Variants in CCDC97 observed in about 807,000 individuals in gnomAD.
CCDC97 encodes the protein coiled-coil domain-containing protein 97.
Under a neutral mutation model 33.9 loss-of-function variants are expected in CCDC97, and 27 were observed. The observed-to-expected ratio is 0.80, with a 90% CI of 0.59 to 1.10. The LOEUF is 1.10. Ranked by LOEUF, CCDC97 falls within the 50% of genes least tolerant of loss-of-function variation. The pLI is 0.00. For synonymous variants in CCDC97, 217 were observed against 194.0 expected (o/e 1.12, Z -0.99); for missense variants, 422 against 476.6 (o/e 0.89, Z 1.07).
At position 41,316,378 on chromosome 19, in the gene CCDC97, C is replaced by T; in HGVS notation, c.47-6C>T. The T allele has an allele frequency of 1.9e-6, 3 of 1,603,868 alleles. No homozygotes were observed. Among genetic ancestry groups the T allele is most frequent in the Non-Finnish European group, 2.6e-6 (3 of 1,171,728 alleles). ...CTCTGAACTAACCAATCTCTCCTTT[C>T]CTCAGGCTGCATAGAGCCTGGACCT... On this transcript the variant is annotated splice_region_variant and splice_polypyrimidine_tract_variant and intron_variant, in intron 1 of 4. Coordinates refer to ENST00000269967, the MANE Select transcript of CCDC97 (RefSeq NM_052848.3).
At chr19:41,316,355 C>A in intron 1 of CCDC97, 29 bp from the exon 2 acceptor site, 1 of 1,581,172 alleles carries the variant, frequency 6.3e-7, no homozygotes. Context: ...ACTCCCATCT[C>A]TGAACTAACC....
At position 41,310,531 on chromosome 19, in the gene CCDC97, CCTT is replaced by C. The variant is rs145186924; in HGVS notation, c.46+179_46+181del. 7,324 of 985,264 alleles carry C rather than the reference CCTT, an allele frequency of 7.4e-3. 275 individuals carry two copies. The African/African-American group carries it at 0.093, about 12-fold the overall frequency. The allele number at this position is 985,264 out of a possible 1,614,324, so 61.0% of individuals were successfully genotyped here. On this transcript the variant is annotated intron_variant, in intron 1 of 4. Transcript: ENST00000269967. Reference sequence around the variant, plus strand: ...TATTCCCTCCCTTGTCGCGGGCTGACCTTCTTTTCCTCCATTCCTTCCCCCCGA... The same window carrying C: ...TATTCCCTCCCTTGTCGCGGGCTGACCTTTTCCTCCATTCCTTCCCCCCGA...
chr19:41,310,707 C>G, intron 1 of CCDC97: 2 of 1,156,282 alleles, frequency 1.7e-6, no homozygotes, highest in Non-Finnish European at 2.1e-6. Context: ...TTACCTCCTT[C>G]CCTGTACCAA....
Position 41,322,814 on chromosome 19 carries a change from G to A in CCDC97, c.*99G>A, listed in dbSNP as rs964002825. On this transcript the variant is annotated 3_prime_UTR_variant, in exon 5 of 5. Transcript: ENST00000269967. ...ACCCTTTCTCTAGGGGGACATCAGG[G>A]CAGTGCCCCACAACCCACACACACC... 31 of 1,408,248 alleles carry A rather than the reference G, an allele frequency of 2.2e-5. No individual in the cohort carries two copies. The highest frequency in any genetic ancestry group is 2.7e-5 in the Non-Finnish European group (28 of 1,032,216). The allele number at this position is 1,408,248 out of a possible 1,614,324, so 87.2% of individuals were successfully genotyped here. A position where few individuals can be genotyped will look rare whatever the true frequency, so the allele number is the denominator to read the frequency against.
Position 41,322,769 on chromosome 19 carries a change from G to A in CCDC97, c.*54G>A. On this transcript the variant is annotated 3_prime_UTR_variant, in exon 5 of 5. Coordinates refer to ENST00000269967, the MANE Select transcript of CCDC97 (RefSeq NM_052848.3). Reference sequence around the variant, plus strand: ...CATCCCCATCCCCAACAAGGCAGCTGATTCCAGGCCTGCTCAGTGACCCTT... The same window carrying A: ...CATCCCCATCCCCAACAAGGCAGCTAATTCCAGGCCTGCTCAGTGACCCTT... 1.3e-6 allele frequency: 2 copies of A among 1,594,490 alleles called. No individual in the cohort carries two copies.
chr19:41,316,401 C>T lies in CCDC97; in HGVS notation c.64C>T (p.Pro22Ser). 6.2e-7 allele frequency: 1 copy of T among 1,612,550 alleles called. No individual in the cohort carries two copies. The highest frequency in any genetic ancestry group is 8.5e-7 in the Non-Finnish European group (1 of 1,178,722). ...EPDKGCIEPGPGHWGELSRTP... is the reference protein window; with the variant it reads ...EPDKGCIEPGSGHWGELSRTP... ...TTCCTCAGGCTGCATAGAGCCTGGA[C>T]CTGGGCACTGGGGTGAGCTGAGCCG... The change falls in exon 2 of 5, where the codon CCT (proline) becomes TCT (serine). Residue 22 changes from proline (P) to serine (S), a missense_variant. Physicochemically the swap from Pro to Ser is moderately conservative, Grantham distance 74. Coordinates refer to ENST00000269967, the MANE Select transcript of CCDC97 (RefSeq NM_052848.3).
chr19:41,311,363 G>C (rs1008506384), intron 1 of CCDC97, among the ~76,000 whole-genome samples: 5 of 152,074 alleles, frequency 3.3e-5, no homozygotes, highest in Non-Finnish European at 7.4e-5. Flanking sequence ...TCCAGCCTCT[G>C]CAGCAGAGTG....
At chr19:41,313,381 C>T (rs534768250) in intron 1 of CCDC97, among the ~76,000 whole-genome samples, 1 of 152,274 alleles carries the variant, frequency 6.6e-6, no homozygotes, top group Admixed American at 6.5e-5. Context: ...GCCTCCCTTA[C>T]TTCCAGCACG....
rs541571222 is a variant in CCDC97 at position 41,319,251 on chromosome 19, T to A, written c.503-323T>A. Among the ~76,000 whole-genome samples, 3 of 152,324 alleles carry A rather than the reference T, an allele frequency of 2.0e-5. 1 individual carries two copies. The highest frequency in any genetic ancestry group is 1.9e-4 in the East Asian group (1 of 5,188). On this transcript the variant is annotated intron_variant, in intron 2 of 4. Coordinates refer to ENST00000269967, the MANE Select transcript of CCDC97 (RefSeq NM_052848.3). ...TAGAGGCCGGGCCACATACACACAC[T>A]CAGGTGCCTGCACGAGTAATCACAT...
At chr19:41,311,783 C>T (rs1033303805) in intron 1 of CCDC97, among the ~76,000 whole-genome samples, 1 of 151,934 alleles carries the variant, frequency 6.6e-6, no homozygotes, top group Non-Finnish European at 1.5e-5. Context: ...CCTGTGGTCC[C>T]GGCTACTCAG....
chr19:41,321,782 AGTCGCAAGGG>A (rs995237394), intron 4 of CCDC97, among the ~76,000 whole-genome samples: 5 of 152,216 alleles, frequency 3.3e-5, no homozygotes, highest in African/African-American at 9.6e-5. Flanking sequence ...GGGCTGGAGC[AGTCGCAAGGG>A]GTCGCAAGGG....
chr19:41,323,015 C>T lies in CCDC97; in HGVS notation c.*300C>T, dbSNP rs1257578781. 1 of 216,902 alleles carries T rather than the reference C, an allele frequency of 4.6e-6. No individual in the cohort carries two copies. Among genetic ancestry groups the T allele is most frequent in the East Asian group, 1.2e-4 (1 of 8,192 alleles). 13.4% of individuals were successfully genotyped at this position (216,902 alleles called of 1,614,324 possible). A position where few individuals can be genotyped will look rare whatever the true frequency, so the allele number is the denominator to read the frequency against. ...CTCTCCCTACCCCCGCTCCCTCTTT[C>T]CAGTGCTCTGGCTGGCTGTCTCTCC... On this transcript the variant is annotated 3_prime_UTR_variant, in exon 5 of 5. Coordinates refer to ENST00000269967, the MANE Select transcript of CCDC97 (RefSeq NM_052848.3).
chr19:41,314,481 T>C (rs1035316755), intron 1 of CCDC97, among the ~76,000 whole-genome samples: 2 of 152,236 alleles, frequency 1.3e-5, no homozygotes, highest in Non-Finnish European at 2.9e-5. Context: ...GGTGAACGCA[T>C]GAATGCATGA....
At position 41,310,202 on chromosome 19, in the gene CCDC97, G is replaced by C; in HGVS notation, c.-109G>C. On this transcript the variant is annotated 5_prime_UTR_variant, in exon 1 of 5. Transcript: ENST00000269967. Reference sequence around the variant, plus strand: ...CGGAACTTCGGTGCCTGGGCGCAGCGGTGCACCCGGACCCGGAACATTCTC... The same window carrying C: ...CGGAACTTCGGTGCCTGGGCGCAGCCGTGCACCCGGACCCGGAACATTCTC... 1 of 1,467,582 alleles carries C rather than the reference G, an allele frequency of 6.8e-7. No homozygotes were observed. The highest frequency in any genetic ancestry group is 9.3e-7 in the Non-Finnish European group (1 of 1,075,270). 90.9% of individuals were successfully genotyped at this position (1,467,582 alleles called of 1,614,324 possible).
In CCDC97 at chr19:41,319,789, C is replaced by T. The variant is rs1320782664; in HGVS notation, c.718C>T (p.Gln240Ter). 2 of 1,611,240 alleles carry T rather than the reference C, an allele frequency of 1.2e-6. No individual in the cohort carries two copies. Among genetic ancestry groups the T allele is most frequent in the Non-Finnish European group, 1.7e-6 (2 of 1,178,890 alleles). The change falls in exon 3 of 5, where the codon CAG (glutamine) becomes TAG (stop). Residue 240 changes from glutamine (Q) to a stop codon, truncating the protein, a stop_gained. Coordinates refer to ENST00000269967, the MANE Select transcript of CCDC97 (RefSeq NM_052848.3). LOFTEE classifies it high-confidence loss of function. ...GGAGCTACAGCAGCGTCTGCTCCAA[C>T]AGCAGGAGGAGGAGGAGGCCTGCTT... ...ERELQQRLLQQQEEEEACLEE... is the reference protein window; with the variant it reads ...ERELQQRLLQ
rs746631058 is a variant in CCDC97 at position 41,316,490 on chromosome 19, G to A, written c.153G>A (p.Leu51=). ...CAGCTGAGGCAACACCAGTGGCCCT[G>A]GACAGTGACACCTCCGGGGCTGAAA... The part of the protein sequence containing the change: ...VEAAEATPVA[L]DSDTSGAENA... Residue 51 remains leucine, a synonymous_variant, in exon 2 of 5, where the codon CTG becomes CTA. Coordinates refer to ENST00000269967, the MANE Select transcript of CCDC97 (RefSeq NM_052848.3). 1.2e-6 allele frequency: 2 copies of A among 1,614,220 alleles called. No homozygotes were observed. The highest frequency in any genetic ancestry group is 2.2e-5 in the South Asian group (2 of 91,084).
At position 41,320,561 on chromosome 19, in the gene CCDC97, C is replaced by T. The variant is rs1007739498; in HGVS notation, c.911+91C>T. ...AGCCCTTAACAAGCTGTGGGGGTCT[C>T]CCTTTGTGGAGCTACAAGGCCCCAA... On this transcript the variant is annotated intron_variant, in intron 4 of 4. Coordinates refer to ENST00000269967, the MANE Select transcript of CCDC97 (RefSeq NM_052848.3). The T allele has an allele frequency of 2.6e-6, 4 of 1,530,622 alleles. No individual in the cohort carries two copies. The African/African-American group carries it at 4.1e-5, about 16-fold the overall frequency. 94.8% of individuals were successfully genotyped at this position (1,530,622 alleles called of 1,614,324 possible). A position where few individuals can be genotyped will look rare whatever the true frequency, so the allele number is the denominator to read the frequency against.
intron 1 of CCDC97, among the ~76,000 whole-genome samples, chr19:41,315,590 AC>A (rs561285273): frequency 4.6e-5 from 7 of 151,432 alleles, no homozygotes; most frequent in Non-Finnish European, 1.0e-4. Context: ...AGCCTGGGCA[AC>A]AAGAGCAAAA....
chr19:41,313,145 G>A (rs2037706533), intron 1 of CCDC97, among the ~76,000 whole-genome samples: 2 of 151,968 alleles, frequency 1.3e-5, no homozygotes, highest in South Asian at 2.1e-4. Context: ...CCAGTTTTTA[G>A]CTTCAGAGGC....
Sources: allele counts gnomAD v4.1 joint callset (sites outside exome capture counted in the v4.1 genomes callset), GRCh38; gene constraint gnomAD v4.1.1; transcripts MANE v1.5; gene names NCBI Gene and HGNC (gene_info 2026-07-23, HGNC 2026-07-21).